CBFA2T3: variants seen among roughly 807,000 people sequenced by gnomAD.
CBFA2T3 encodes the protein transcriptional corepressor CBFA2T3.
CBFA2T3 carries 31 observed loss-of-function variants against 58.6 expected under a neutral mutation model. The ratio of observed to expected loss-of-function variants is 0.53; its 90% CI spans 0.40 to 0.71. The LOEUF (loss-of-function observed/expected upper bound fraction) is 0.71, where lower values mean the gene tolerates loss of function less well. Ranked by LOEUF, CBFA2T3 falls within the 30% of genes least tolerant of loss-of-function variation. CBFA2T3 has a pLI of 0.00. For missense variants in CBFA2T3, 1,076 were observed against 963.1 expected, an observed-to-expected ratio of 1.12 and a Z score of -1.55; for synonymous variants, 531 against 421.9, an observed-to-expected ratio of 1.26 and a Z score of -3.17.
rs902048388 is a variant in CBFA2T3, at chr16:88,876,742, C to T, written c.*234G>A. 2.2e-5 allele frequency: 10 copies of T among 463,368 alleles called. No homozygotes were observed. Among genetic ancestry groups the T allele is most frequent in the African/African-American group, 2.0e-5 (1 of 48,830 alleles). The allele number at this position is 463,368 out of a possible 1,614,324, so 28.7% of individuals were successfully genotyped here. On this transcript the variant is annotated 3_prime_UTR_variant, in exon 12 of 12. Coordinates refer to ENST00000268679, the MANE Select transcript of CBFA2T3 (RefSeq NM_005187.6). The stretch of plus-strand genomic sequence containing the variant: ...TGAAGAGACGTTGTCAGGAGGTCTC[C>T]GCGCGGAATCATTAGGTAGCTGAGG...
At chr16:88,951,736 C>G (rs1375293341) in intron 1 of CBFA2T3, among the ~76,000 whole-genome samples, 1 of 152,172 alleles carries the variant, frequency 6.6e-6, no homozygotes, top group Non-Finnish European at 1.5e-5. Context: ...CACAATCCTT[C>G]CCTGGGAGTT....
At chr16:88,915,291 G>A (rs1252836089) in intron 1 of CBFA2T3, among the ~76,000 whole-genome samples, 1 of 129,528 alleles carries the variant, frequency 7.7e-6, no homozygotes, top group African/African-American at 3.0e-5. Flanking sequence ...AAACTGGTGG[G>A]TGGTGGCCTC....
intron 1 of CBFA2T3, among the ~76,000 whole-genome samples, chr16:88,952,748 G>C (rs1972110079): frequency 6.6e-6 from 1 of 152,284 alleles, no homozygotes; most frequent in African/African-American, 2.4e-5. Flanking sequence ...GTCTGGGAGA[G>C]ACGCCTCCCA....
In CBFA2T3 at chr16:88,881,357, T is replaced by C; in HGVS notation, c.1336A>G (p.Lys446Glu). 1.9e-6 allele frequency: 3 copies of C among 1,586,446 alleles called. No homozygotes were observed. The highest frequency in any genetic ancestry group is 2.6e-6 in the Non-Finnish European group (3 of 1,168,044). ...CGGGCCGCGGCGGGAGCGGGGCCCT[T>C]CTTTGTGTCCTCGGCGTCGCTGTAG... ...RRYSDAEDTK[K>E]GPAPAAARPR... The change falls in exon 9 of 12, where the codon AAG becomes GAG. Residue 446 changes from lysine (K) to glutamate (E), a missense_variant. By Grantham distance (56) the Lys-to-Glu change is moderately conservative. Coordinates refer to ENST00000268679, the MANE Select transcript of CBFA2T3 (RefSeq NM_005187.6).
At chr16:88,931,412 G>C (rs1316986425) in intron 1 of CBFA2T3, among the ~76,000 whole-genome samples, 1 of 152,112 alleles carries the variant, frequency 6.6e-6, no homozygotes, top group Non-Finnish European at 1.5e-5. Context: ...TTAAGGGTGG[G>C]AAGCGCTCAC....
rs1445074485 is a variant in CBFA2T3 at position 88,893,040 on chromosome 16, A to G, written c.380-555T>C. On this transcript the variant is annotated intron_variant, in intron 3 of 11. Transcript: ENST00000268679. ...CCACACGTCGGGGGCTTGATGGCTCACTTCCCACTTTCTGGAGGCACAGGA... is the reference window on the plus strand; with the variant it reads ...CCACACGTCGGGGGCTTGATGGCTCGCTTCCCACTTTCTGGAGGCACAGGA... Among the ~76,000 whole-genome samples, 3 of 152,108 alleles carry G rather than the reference A, an allele frequency of 2.0e-5. No homozygotes were observed. The East Asian group carries it at 5.8e-4, about 29-fold the overall frequency.
chr16:88,919,963 A>G (rs565044521), intron 1 of CBFA2T3, among the ~76,000 whole-genome samples: 16 of 152,370 alleles, frequency 1.1e-4, no homozygotes, highest in Middle Eastern at 3.4e-3. Context: ...GCGATTTACA[A>G]GTGCAGGCAT....
At chr16:88,934,459 G>T (rs1383297353) in intron 1 of CBFA2T3, among the ~76,000 whole-genome samples, 9 of 152,266 alleles carry the variant, frequency 5.9e-5, no homozygotes. Context: ...AGCCAGCAGG[G>T]CCACACAGAG....
intron 1 of CBFA2T3, among the ~76,000 whole-genome samples, chr16:88,942,554 A>G (rs1971778872): frequency 6.6e-6 from 1 of 151,668 alleles, no homozygotes; most frequent in Non-Finnish European, 1.5e-5. Flanking sequence ...TACCCACCTG[A>G]GCTGGCAGAG....
rs1483632258 is a variant in CBFA2T3, at chr16:88,876,912, G to A, written c.*64C>T. On this transcript the variant is annotated 3_prime_UTR_variant, in exon 12 of 12. Transcript: ENST00000268679. ...GCATCGGAGGCCAGGCACAGCATCC[G>A]GTGGGCCTGGAGCTGGGTGGGGTTG... The A allele has an allele frequency of 1.9e-5, 24 of 1,257,710 alleles. No homozygotes were observed. The highest frequency in any genetic ancestry group is 3.5e-5 in the Admixed American group (1 of 28,264). 77.9% of individuals were successfully genotyped at this position (1,257,710 alleles called of 1,614,324 possible).
intron 1 of CBFA2T3, among the ~76,000 whole-genome samples, chr16:88,922,170 C>G (rs1970943501): frequency 6.6e-6 from 1 of 152,228 alleles, no homozygotes; most frequent in African/African-American, 2.4e-5. Context: ...GGTCTAAGGG[C>G]ATCTGAGGGT....
At chr16:88,914,851 C>T (rs558077082) in intron 1 of CBFA2T3, among the ~76,000 whole-genome samples, 1 of 152,330 alleles carries the variant, frequency 6.6e-6, no homozygotes, top group South Asian at 2.1e-4. Flanking sequence ...GGCCTGCTTG[C>T]CCCGTGGCCG....
intron 1 of CBFA2T3, among the ~76,000 whole-genome samples, chr16:88,916,988 C>T (rs1462900007): frequency 2.0e-5 from 3 of 150,808 alleles, no homozygotes; most frequent in African/African-American, 4.9e-5. Context: ...GCAGGAGATT[C>T]GCTTGAACCA....
intron 1 of CBFA2T3, chr16:88,957,743 G>A (rs966190133): frequency 9.2e-5 from 14 of 152,314 alleles, no homozygotes; most frequent in African/African-American, 2.2e-4. Flanking sequence ...CAGAAAACAC[G>A]GGCGAGTGGA....
At chr16:88,932,210 C>A (rs976267108) in intron 1 of CBFA2T3, among the ~76,000 whole-genome samples, 2 of 117,700 alleles carry the variant, frequency 1.7e-5, no homozygotes, top group Admixed American at 1.6e-4. Context: ...CCCCCTCACA[C>A]GGCCCCCGCT....
intron 7 of CBFA2T3, chr16:88,883,132 G>A (rs1458614723): frequency 6.1e-6 from 2 of 328,812 alleles, no homozygotes; most frequent in Non-Finnish European, 1.2e-5. Context: ...CTGGAGCAGT[G>A]TCCTCAGCCA....
intron 1 of CBFA2T3, among the ~76,000 whole-genome samples, chr16:88,941,434 G>C (rs965293056): frequency 6.1e-5 from 9 of 147,034 alleles, no homozygotes; most frequent in Middle Eastern, 3.2e-3. Flanking sequence ...CCTCCCGCCC[G>C]GCGCCCATGG....
intron 1 of CBFA2T3, 124 bp downstream of exon 1, chr16:88,976,533 G>T: frequency 1.4e-6 from 1 of 710,558 alleles, no homozygotes; most frequent in Non-Finnish European, 2.3e-6. Flanking sequence ...GAGTCAACAC[G>T]GCCATCCGTG....
intron 3 of CBFA2T3, among the ~76,000 whole-genome samples, chr16:88,895,658 A>C (rs891883773): frequency 1.3e-5 from 2 of 152,166 alleles, no homozygotes; most frequent in African/African-American, 4.8e-5. Context: ...CCCGGGGCCC[A>C]GCGCTCACTC....
Sources: gnomAD v4.1 joint callset for allele counts (sites outside exome capture counted in the v4.1 genomes callset) on GRCh38, gnomAD v4.1.1 for gene constraint, MANE v1.5 for transcripts, NCBI Gene and HGNC (gene_info 2026-07-23, HGNC 2026-07-21) for gene names.